The following CTIF variants were observed in gnomAD, a reference collection of about 807,000 sequenced individuals.
CTIF encodes the protein cap binding complex dependent translation initiation factor, also known as CBP80/20-dependent translation initiation factor.
CTIF carries 21 observed loss-of-function variants against 66.0 expected under a neutral mutation model. That is an observed-to-expected ratio of 0.32 (90% CI 0.23 to 0.46). The LOEUF is 0.46. Ranked by LOEUF, CTIF falls within the 20% of genes least tolerant of loss-of-function variation. The pLI is 1.00. For synonymous variants in CTIF, 345 were observed against 326.4 expected (o/e 1.06, Z -0.62); for missense variants, 739 against 812.7 (o/e 0.91, Z 1.10).
intron 9 of CTIF, among the ~76,000 whole-genome samples, chr18:48,815,129 T>C (rs1223638455): frequency 6.6e-6 from 1 of 152,188 alleles, no homozygotes; most frequent in Non-Finnish European, 1.5e-5. Context: ...CAAAAATGGG[T>C]AACTGTGAGA....
chr18:48,776,799 A>T (rs1301607309), intron 9 of CTIF, among the ~76,000 whole-genome samples: 1 of 152,218 alleles, frequency 6.6e-6, no homozygotes, highest in East Asian at 1.9e-4. Flanking sequence ...TCTGTCTGCA[A>T]TCTGGCAGTT....
Position 48,761,902 on chromosome 18 carries a change from A to C in CTIF, c.1371+213A>C, listed in dbSNP as rs1909038392. Among the ~76,000 whole-genome samples the C allele has an allele frequency of 6.6e-6, 1 of 152,220 alleles. No homozygotes were observed. Among genetic ancestry groups the C allele is most frequent in the African/African-American group, 2.4e-5 (1 of 41,456 alleles). On this transcript the variant is annotated intron_variant, in intron 9 of 11. Coordinates refer to ENST00000256413, the MANE Select transcript of CTIF (RefSeq NM_014772.3). This position sits in a 1 kb window ranked among gnomAD's most constrained non-coding sequence, Gnocchi z 4.2. ...GTTTATGTGTGGGCTCCCTGGTTAC[A>C]ATGGACCAATATAATTTTATAGGTG...
intron 7 of CTIF, among the ~76,000 whole-genome samples, chr18:48,742,366 G>A (rs556772455): frequency 1.4e-4 from 21 of 152,306 alleles, no homozygotes; most frequent in South Asian, 4.1e-4. Flanking sequence ...AAGTCTTGAG[G>A]CTCCCCAGAG....
At chr18:48,783,935 C>T (rs1322929193) in intron 9 of CTIF, among the ~76,000 whole-genome samples, 1 of 152,198 alleles carries the variant, frequency 6.6e-6, no homozygotes, top group Non-Finnish European at 1.5e-5. Context: ...CACGGGCCAC[C>T]AAACCTCCAG....
intron 9 of CTIF, among the ~76,000 whole-genome samples, chr18:48,784,601 G>A (rs1276177512): frequency 6.6e-6 from 1 of 152,096 alleles, no homozygotes; most frequent in Non-Finnish European, 1.5e-5. Flanking sequence ...GAGGAGGGCA[G>A]GATAAGGACC....
intron 10 of CTIF, among the ~76,000 whole-genome samples, chr18:48,833,427 G>A (rs1462261615): frequency 1.3e-5 from 2 of 151,540 alleles, no homozygotes; most frequent in Admixed American, 6.6e-5. Flanking sequence ...AGGTCCTGCA[G>A]CCCTCTGGGA....
At chr18:48,691,834 C>T (rs1417570105) in intron 6 of CTIF, among the ~76,000 whole-genome samples, 1 of 152,226 alleles carries the variant, frequency 6.6e-6, no homozygotes, top group Non-Finnish European at 1.5e-5. Flanking sequence ...CACCGCCCCT[C>T]ACTTGCTGCC....
At chr18:48,539,934 C>T (rs1427506009) in intron 1 of CTIF, 3 of 152,260 alleles carry the variant, frequency 2.0e-5, no homozygotes, top group African/African-American at 4.8e-5. Flanking sequence ...CCCTCCCTTC[C>T]CCGGTGACTG....
chr18:48,590,150 G>A (rs79838357), intron 1 of CTIF, among the ~76,000 whole-genome samples: 2,822 of 152,360 alleles, frequency 0.019, 84 homozygotes, highest in African/African-American at 0.064. Context: ...GTCCATAGCC[G>A]TGGAAGTTTG....
chr18:48,771,766 C>G (rs1910143818), intron 9 of CTIF, among the ~76,000 whole-genome samples: 1 of 152,202 alleles, frequency 6.6e-6, no homozygotes, highest in Non-Finnish European at 1.5e-5. Context: ...CGGAGCCAGG[C>G]AGGCAGGAGA....
chr18:48,827,263 C>G (rs962581512), intron 10 of CTIF, among the ~76,000 whole-genome samples: 11 of 152,224 alleles, frequency 7.2e-5, no homozygotes, highest in African/African-American at 2.7e-4. Context: ...CCTTATTAAA[C>G]TGGAAAGTCT....
chr18:48,811,590 A>G (rs1389361507), intron 9 of CTIF, among the ~76,000 whole-genome samples: 1 of 151,996 alleles, frequency 6.6e-6, no homozygotes, highest in East Asian at 1.9e-4. Flanking sequence ...CCTTGTAACC[A>G]CCATTCTACT....
chr18:48,851,805 C>T (rs779206818), intron 10 of CTIF, among the ~76,000 whole-genome samples: 1 of 152,228 alleles, frequency 6.6e-6, no homozygotes, highest in Non-Finnish European at 1.5e-5. Flanking sequence ...CCCACTCTGT[C>T]TGGAGTTTCA....
At chr18:48,717,453 A>C (rs1389587924) in intron 7 of CTIF, among the ~76,000 whole-genome samples, 4 of 148,428 alleles carry the variant, frequency 2.7e-5, no homozygotes, top group African/African-American at 9.9e-5. Context: ...AAATAATAAG[A>C]ATTTTGTCCC....
At chr18:48,545,897 A>G (rs1335626979) in intron 1 of CTIF, among the ~76,000 whole-genome samples, 3 of 152,170 alleles carry the variant, frequency 2.0e-5, no homozygotes, top group Admixed American at 1.3e-4. Context: ...TCGTCAGGGA[A>G]GCCAGGCGGG....
At chr18:48,600,886 G>A (rs997247488) in intron 1 of CTIF, among the ~76,000 whole-genome samples, 1 of 152,150 alleles carries the variant, frequency 6.6e-6, no homozygotes, top group South Asian at 2.1e-4. Context: ...AGTGCAGCCT[G>A]TCTCATACTG....
intron 3 of CTIF, 37 bp downstream of exon 3, chr18:48,636,722 C>A: frequency 1.3e-6 from 2 of 1,491,218 alleles, no homozygotes; most frequent in South Asian, 1.4e-5. Context: ...TGGGGGTGTC[C>A]TATGTCTTGT....
At chr18:48,677,021 G>T (rs1426968040) in intron 6 of CTIF, among the ~76,000 whole-genome samples, 1 of 152,042 alleles carries the variant, frequency 6.6e-6, no homozygotes, top group Admixed American at 6.5e-5. Context: ...CCGCGGCTGG[G>T]GCTGCCCCAC....
intron 3 of CTIF, among the ~76,000 whole-genome samples, chr18:48,657,285 T>C (rs1436730561): frequency 6.6e-6 from 1 of 152,250 alleles, no homozygotes; most frequent in African/African-American, 2.4e-5. Flanking sequence ...AATTTCAACA[T>C]CGTAACAATT....
Sources: gnomAD v4.1 joint callset for allele counts (sites outside exome capture counted in the v4.1 genomes callset) on GRCh38, gnomAD v4.1.1 for gene constraint, Gnocchi (gnomAD v3.1) non-coding constraint, MANE v1.5 for transcripts, NCBI Gene and HGNC (gene_info 2026-07-23, HGNC 2026-07-21) for gene names.